Variants in DAGLB observed in about 807,000 individuals in gnomAD.
DAGLB encodes the protein diacylglycerol lipase beta.
In DAGLB, 66 loss-of-function variants were observed where a neutral mutation model predicts 72.1. The observed-to-expected ratio is 0.92, with a 90% CI of 0.75 to 1.12. The LOEUF (loss-of-function observed/expected upper bound fraction) is 1.12, where lower values mean the gene tolerates loss of function less well. Ranked by LOEUF, DAGLB falls within the 50% of genes most tolerant of loss-of-function variation. The pLI, the probability that DAGLB is intolerant of heterozygous loss-of-function variation, is 0.00. For synonymous variants in DAGLB, 414 were observed against 359.5 expected (o/e 1.15, Z -1.71); for missense variants, 1,065 against 884.9 (o/e 1.20, Z -2.58).
intron 6 of DAGLB, among the ~76,000 whole-genome samples, chr7:6,426,646 TG>T (rs575781832): frequency 1.9e-3 from 294 of 152,352 alleles, no homozygotes; most frequent in Non-Finnish European, 3.6e-3. Context: ...ATCATGTTAA[TG>T]ATTTCTATAT....
chr7:6,434,748 TCC>T lies in DAGLB; in HGVS notation c.678+12_678+13del. On this transcript the variant is annotated intron_variant, in intron 4 of 14. Transcript: ENST00000297056. ...AACAGAAGAAACAGACCAAACCAGA[TCC>T]CCTCGGCTTACTGAAAAGTAGGTTG... 2.5e-6 allele frequency: 4 copies of T among 1,613,572 alleles called. No individual in the cohort carries two copies. The highest frequency in any genetic ancestry group is 3.4e-6 in the Non-Finnish European group (4 of 1,179,708).
intron 14 of DAGLB, 30 bp downstream of exon 14, chr7:6,410,100 T>TGCCCACCAC: frequency 1.3e-6 from 2 of 1,580,102 alleles, no homozygotes; most frequent in Non-Finnish European, 1.7e-6. Context: ...TGCTCCTGCC[T>TGCCCACCAC]GCCCACCACA....
intron 6 of DAGLB, among the ~76,000 whole-genome samples, chr7:6,428,315 C>CAAAAA (rs749361631): frequency 4.0e-4 from 31 of 76,604 alleles, no homozygotes; most frequent in African/African-American, 9.1e-4. Context: ...GACTCTGTCT[C>CAAAAA]AAAAAAAAAA....
intron 6 of DAGLB, among the ~76,000 whole-genome samples, chr7:6,429,248 T>C (rs1784405457): frequency 6.6e-6 from 1 of 151,864 alleles, no homozygotes; most frequent in South Asian, 2.1e-4. Flanking sequence ...CATGGACCAT[T>C]CCCGCCAAAA....
rs750571335 is a variant in DAGLB at position 6,445,941 on chromosome 7, G to C, written c.247+12C>G. The C allele has an allele frequency of 2.5e-6, 4 of 1,576,460 alleles. No homozygotes were observed. The highest frequency in any genetic ancestry group is 2.7e-5 in the African/African-American group (2 of 72,900). ...AAAAAATAGGTATCAAATAGAAAAG[G>C]CTACTTTTTACCTCTCATGCTGACA... On this transcript the variant is annotated intron_variant, in intron 2 of 14. Transcript: ENST00000297056.
intron 3 of DAGLB, among the ~76,000 whole-genome samples, chr7:6,436,053 G>C (rs1368513323): frequency 6.8e-6 from 1 of 147,468 alleles, no homozygotes; most frequent in African/African-American, 2.5e-5. Context: ...ATTCTTATAA[G>C]AGAAGGGTTA....
chr7:6,432,811 T>C, intron 5 of DAGLB, 26 bp downstream of exon 5: 1 of 1,610,458 alleles, frequency 6.2e-7, no homozygotes, highest in Non-Finnish European at 8.5e-7. Context: ...GTGTCAGAAC[T>C]GGACACTCCA....
intron 11 of DAGLB, among the ~76,000 whole-genome samples, chr7:6,414,479 A>AT (rs1197866847): frequency 6.6e-6 from 1 of 151,198 alleles, no homozygotes; most frequent in Non-Finnish European, 1.5e-5. Flanking sequence ...CGTCCAGCTA[A>AT]TTTTTGTAAG....
chr7:6,412,936 A>C, intron 12 of DAGLB, 30 bp downstream of exon 12: 1 of 1,613,520 alleles, frequency 6.2e-7, no homozygotes, highest in Non-Finnish European at 8.5e-7. Context: ...CCAACCCCCC[A>C]GCCCTGGGCA....
intron 6 of DAGLB, among the ~76,000 whole-genome samples, chr7:6,429,070 C>G (rs530449210): frequency 2.6e-5 from 4 of 152,248 alleles, no homozygotes; most frequent in Admixed American, 6.6e-5. Context: ...TCCCAAAATG[C>G]TGGGATTACA....
intron 8 of DAGLB, chr7:6,422,231 G>T: frequency 3.0e-6 from 1 of 333,640 alleles, no homozygotes; most frequent in Non-Finnish European, 6.0e-6. Flanking sequence ...CCGAGTCAGA[G>T]GATGGGGCAC....
chr7:6,427,675 T>G (rs567364812), intron 6 of DAGLB, among the ~76,000 whole-genome samples: 1 of 152,136 alleles, frequency 6.6e-6, no homozygotes, highest in East Asian at 1.9e-4. Context: ...CCCAGGACTT[T>G]GGGAGACCGA....
chr7:6,438,814 G>A (rs1052271619), intron 2 of DAGLB, among the ~76,000 whole-genome samples: 1 of 152,066 alleles, frequency 6.6e-6, no homozygotes, highest in African/African-American at 2.4e-5. Context: ...TCGAGACCAC[G>A]CTGGGGAACA....
At chr7:6,430,704 T>C (rs1295843526) in intron 5 of DAGLB, 97 bp from the exon 6 acceptor site, 2 of 1,283,156 alleles carry the variant, frequency 1.6e-6, no homozygotes, top group African/African-American at 3.0e-5. Context: ...TTCCTGACTC[T>C]TCCTGCTCCT....
Position 6,418,806 on chromosome 7 carries a change from A to G in DAGLB, c.1219-1885T>C, listed in dbSNP as rs577799520. Reference sequence around the variant, plus strand: ...CAGCCTCCTGACTAGCTGGGACTACAGGCGCCCGCCACCACGCCCGGCTAA... The same window carrying G: ...CAGCCTCCTGACTAGCTGGGACTACGGGCGCCCGCCACCACGCCCGGCTAA... On this transcript the variant is annotated intron_variant, in intron 9 of 14. Transcript: ENST00000297056. Among the ~76,000 whole-genome samples, 1,339 of 151,958 alleles carry G rather than the reference A, an allele frequency of 8.8e-3. 22 individuals carry two copies. Among genetic ancestry groups the G allele is most frequent in the African/African-American group, 0.031 (1,287 of 41,448 alleles).
chr7:6,415,611 G>GC (rs1554265930), intron 11 of DAGLB, among the ~76,000 whole-genome samples: 2 of 151,432 alleles, frequency 1.3e-5, no homozygotes, highest in Non-Finnish European at 2.9e-5. Context: ...GGCCAAGGTG[G>GC]CGGATCATGA....
intron 3 of DAGLB, among the ~76,000 whole-genome samples, chr7:6,435,850 G>A (rs1376042413): frequency 6.6e-6 from 1 of 152,198 alleles, no homozygotes; most frequent in Non-Finnish European, 1.5e-5. Flanking sequence ...AACAGCCCAG[G>A]TCTGATTCCT....
chr7:6,415,069 GA>G (rs936575976), intron 11 of DAGLB, among the ~76,000 whole-genome samples: 2 of 141,422 alleles, frequency 1.4e-5, no homozygotes, highest in Non-Finnish European at 3.0e-5. Context: ...GCTGAGGCCG[GA>G]AGATCACCTG....
Position 6,447,740 on chromosome 7 carries a change from G to C in DAGLB, c.95+8C>G. 6.2e-7 allele frequency: 1 copy of C among 1,611,516 alleles called. No individual in the cohort carries two copies. Among genetic ancestry groups the C allele is most frequent in the South Asian group, 1.1e-5 (1 of 90,698 alleles). On this transcript the variant is annotated splice_region_variant and intron_variant, in intron 1 of 14. Transcript: ENST00000297056. ...GGGCTCCACCGCCCCCGTAGCCGCCGTCCTTACCACAGCACTCGCACGACC... is the reference window on the plus strand; with the variant it reads ...GGGCTCCACCGCCCCCGTAGCCGCCCTCCTTACCACAGCACTCGCACGACC...
Sources: gnomAD v4.1 joint callset for allele counts (sites outside exome capture counted in the v4.1 genomes callset) on GRCh38, gnomAD v4.1.1 for gene constraint, MANE v1.5 for transcripts, NCBI Gene and HGNC (gene_info 2026-07-23, HGNC 2026-07-21) for gene names.